The following SPTA1 variants were observed in gnomAD, a reference collection of about 807,000 sequenced individuals.
SPTA1 encodes the protein spectrin alpha chain, erythrocytic 1.
A neutral mutation model predicts 324.7 loss-of-function variants in SPTA1; 177 were observed. That is an observed-to-expected ratio of 0.55 (90% CI 0.48 to 0.62). SPTA1 has a LOEUF of 0.62. Among genes scored for constraint, SPTA1 ranks in the 20% least tolerant of loss-of-function variants. SPTA1 has a pLI of 0.00. For missense variants in SPTA1, 3,162 were observed against 2,883.6 expected, an observed-to-expected ratio of 1.10 and a Z score of -2.21; for synonymous variants, 1,195 against 1,041.3, an observed-to-expected ratio of 1.15 and a Z score of -2.84.
chr1:158,681,694 C>T (rs370490937), intron 3 of SPTA1, 27 bp from the exon 4 acceptor site: 1 of 1,613,316 alleles, frequency 6.2e-7, no homozygotes, highest in Non-Finnish European at 8.5e-7. Context: ...CAAAACCACT[C>T]AGCCACAGAC....
rs747951363 is a variant in SPTA1, at chr1:158,643,431, T to G, written c.4339-6A>C. 17 of 1,612,936 alleles carry G rather than the reference T, an allele frequency of 1.1e-5. No homozygotes were observed. The highest frequency in any genetic ancestry group is 1.4e-5 in the Non-Finnish European group (16 of 1,179,706). ...AGGTCAGTGATCTTCCCTTCCTAAA[T>G]AAAGGAAAAGGAAAGAGCCCAGATG... On this transcript the variant is annotated splice_polypyrimidine_tract_variant and splice_region_variant and intron_variant, in intron 30 of 51. Coordinates refer to ENST00000643759, the MANE Select transcript of SPTA1 (RefSeq NM_003126.4).
At chr1:158,645,152 A>G in intron 29 of SPTA1, 36 bp downstream of exon 29, 1 of 1,610,146 alleles carries the variant, frequency 6.2e-7, no homozygotes, top group Non-Finnish European at 8.5e-7. Context: ...GAAACAGACT[A>G]CTGAACCTGC....
chr1:158,678,484 A>G lies in SPTA1; in HGVS notation c.729T>C (p.Asn243=). The change falls in exon 6 of 52, where the codon AAT becomes AAC. Residue 243 remains asparagine (N), a synonymous_variant. Coordinates refer to ENST00000643759, the MANE Select transcript of SPTA1 (RefSeq NM_003126.4). ...PLIQSKQNEV[N]AAWERLRGLA... ...AACCACGAAGGCGCTCCCAGGCAGC[A>G]TTCACCTCATTTTGCTTAGACTGAA... 6.2e-7 allele frequency: 1 copy of G among 1,613,750 alleles called. No individual in the cohort carries two copies. The highest frequency in any genetic ancestry group is 2.2e-5 in the East Asian group (1 of 44,866).
At chr1:158,652,685 A>G (rs762990564) in intron 22 of SPTA1, 32 bp from the exon 23 acceptor site, 2 of 1,612,858 alleles carry the variant, frequency 1.2e-6, no homozygotes, top group South Asian at 2.2e-5. Context: ...GTGGAATAAA[A>G]GAAGGAGAAA....
At chr1:158,661,489 G>T in intron 17 of SPTA1, 80 bp from the exon 18 acceptor site, 1 of 1,587,570 alleles carries the variant, frequency 6.3e-7, no homozygotes, top group Non-Finnish European at 8.6e-7. Context: ...AGAACTCTTG[G>T]ACCCACAGGT....
Position 158,669,560 on chromosome 1 carries a change from A to G in SPTA1, c.1681T>C (p.Leu561=), listed in dbSNP as rs755882947. The change falls in exon 14 of 52, where the codon TTA becomes CTA. Residue 561 remains leucine, a synonymous_variant. Coordinates refer to ENST00000643759, the MANE Select transcript of SPTA1 (RefSeq NM_003126.4). ...ENIKAIRDGL[L]ARRDALREKA... ...TCACGTAGGGCATCCCGCCGGGCTA[A>G]CAGCTGCAAAAACCATGAGTAAACT... 1.7e-5 allele frequency: 28 copies of G among 1,614,002 alleles called. No individual in the cohort carries two copies. Among genetic ancestry groups the G allele is most frequent in the Admixed American group, 5.0e-5 (3 of 59,986 alleles).
chr1:158,684,852 A>G (rs1256973722), intron 2 of SPTA1, among the ~76,000 whole-genome samples: 4 of 152,150 alleles, frequency 2.6e-5, no homozygotes, highest in African/African-American at 7.2e-5. Flanking sequence ...TGTGCTTTCA[A>G]CAACTGAAAA....
chr1:158,616,620 T>A (rs1047005370), intron 47 of SPTA1, among the ~76,000 whole-genome samples: 5 of 151,816 alleles, frequency 3.3e-5, no homozygotes. Flanking sequence ...CCATTGTGTA[T>A]ACCATGATTT....
chr1:158,670,170 T>C (rs141622181), intron 12 of SPTA1, among the ~76,000 whole-genome samples: 63 of 152,316 alleles, frequency 4.1e-4, no homozygotes, highest in African/African-American at 1.4e-3. Context: ...TCTATCTCTA[T>C]CTCATCTCTA....
chr1:158,653,537 G>A, intron 21 of SPTA1, 112 bp from the exon 22 acceptor site: 2 of 1,426,874 alleles, frequency 1.4e-6, no homozygotes, highest in Non-Finnish European at 9.7e-7. Flanking sequence ...GCAAAGATAA[G>A]CTAACCATGT....
In SPTA1 at chr1:158,654,761, A is replaced by G. The variant is rs754926003; in HGVS notation, c.2899-13T>C. 5 of 1,613,098 alleles carry G rather than the reference A, an allele frequency of 3.1e-6. No individual in the cohort carries two copies. The highest frequency in any genetic ancestry group is 4.2e-6 in the Non-Finnish European group (5 of 1,179,866). On this transcript the variant is annotated splice_polypyrimidine_tract_variant and intron_variant, in intron 20 of 51. Coordinates refer to ENST00000643759, the MANE Select transcript of SPTA1 (RefSeq NM_003126.4). ...CAGCCTGTTGTTGCTGAATAAAAAC[A>G]GGAAGCAGGTGTCAGTCACGCACTG...
intron 27 of SPTA1, among the ~76,000 whole-genome samples, chr1:158,646,466 A>G (rs2101841722): frequency 6.6e-6 from 1 of 152,294 alleles, no homozygotes; most frequent in African/African-American, 2.4e-5. Context: ...TAGGTTAAGA[A>G]TGGATAAAAA....
At chr1:158,656,486 A>G in intron 20 of SPTA1, 78 bp downstream of exon 20, 1 of 1,371,026 alleles carries the variant, frequency 7.3e-7, no homozygotes, top group Non-Finnish European at 1.0e-6. Context: ...TGTAGAAAGT[A>G]AAAAATCAGC....
At chr1:158,684,324 A>G (rs1395970724) in intron 2 of SPTA1, among the ~76,000 whole-genome samples, 1 of 152,108 alleles carries the variant, frequency 6.6e-6, no homozygotes, top group Non-Finnish European at 1.5e-5. Context: ...TAACCTGGTT[A>G]ACTCTTATAT....
Position 158,662,685 on chromosome 1 carries a change from G to T in SPTA1, c.2464+17C>A, listed in dbSNP as rs746879377. 1 of 1,613,462 alleles carries T rather than the reference G, an allele frequency of 6.2e-7. No homozygotes were observed. The highest frequency in any genetic ancestry group is 8.5e-7 in the Non-Finnish European group (1 of 1,179,928). ...TGGTCCTTTCCTAGTGGCTCAGCCT[G>T]CTCAGGCTGTACTAACCAAGGTAGG... is the stretch of plus-strand genomic sequence containing the variant. On this transcript the variant is annotated intron_variant, in intron 17 of 51. Coordinates refer to ENST00000643759, the MANE Select transcript of SPTA1 (RefSeq NM_003126.4).
intron 5 of SPTA1, 118 bp downstream of exon 5, chr1:158,680,465 G>C: frequency 6.9e-7 from 1 of 1,440,362 alleles, no homozygotes; most frequent in Non-Finnish European, 9.7e-7. Context: ...CCAGGAACAT[G>C]CCAACCTCTG....
At position 158,614,313 on chromosome 1, in the gene SPTA1, G is replaced by A. The variant is rs199573148; in HGVS notation, c.6789-7C>T. The A allele has an allele frequency of 9.2e-4, 1,330 of 1,443,276 alleles. 1 individual carries two copies. Among genetic ancestry groups the A allele is most frequent in the Admixed American group, 3.5e-3 (187 of 53,442 alleles). The allele number at this position is 1,443,276 out of a possible 1,614,324, so 89.4% of individuals were successfully genotyped here. A position where few individuals can be genotyped will look rare whatever the true frequency, so the allele number is the denominator to read the frequency against. On this transcript the variant is annotated splice_region_variant and splice_polypyrimidine_tract_variant and intron_variant, in intron 48 of 51. Transcript: ENST00000643759. ...ACTCACACCTTTGATGTCCCTGAAA[G>A]AAAAAAAAAAAACATGAATTTTCCC...
At position 158,627,739 on chromosome 1, in the gene SPTA1, G is replaced by T; in HGVS notation, c.5566-16C>A. ...TTAGCAAGCTCTGCATAAATAAGTC[G>T]GTGAGAATTAAGATATCCAAAGCCG... is the stretch of plus-strand genomic sequence containing the variant. On this transcript the variant is annotated splice_polypyrimidine_tract_variant and intron_variant, in intron 39 of 51. Coordinates refer to ENST00000643759, the MANE Select transcript of SPTA1 (RefSeq NM_003126.4). The T allele has an allele frequency of 6.2e-7, 1 of 1,607,962 alleles. No homozygotes were observed. Among genetic ancestry groups the T allele is most frequent in the East Asian group, 2.2e-5 (1 of 44,840 alleles).
intron 39 of SPTA1, among the ~76,000 whole-genome samples, chr1:158,632,920 C>G (rs1415015531): frequency 2.0e-5 from 3 of 152,114 alleles, no homozygotes; most frequent in African/African-American, 7.2e-5. Context: ...AAAGTGGAAA[C>G]AGCCCAGACT....
Sources: gnomAD v4.1 joint callset for allele counts (sites outside exome capture counted in the v4.1 genomes callset) on GRCh38, gnomAD v4.1.1 for gene constraint, MANE v1.5 for transcripts, NCBI Gene and HGNC (gene_info 2026-07-23, HGNC 2026-07-21) for gene names.